Variants in RBFOX1 observed in about 807,000 individuals in gnomAD.
RBFOX1 encodes the protein RNA binding protein fox-1 homolog 1.
Under a neutral mutation model 57.7 loss-of-function variants are expected in RBFOX1, and 8 were observed. That is an observed-to-expected ratio of 0.14 (90% CI 0.08 to 0.25). The LOEUF is 0.25. Ranked by LOEUF, RBFOX1 falls within the 10% of genes least tolerant of loss-of-function variation. The probability of loss-of-function intolerance (pLI) is 1.00; values close to 1 mark genes in which losing one functional copy is unlikely to be tolerated. For missense variants in RBFOX1, 611 were observed against 548.5 expected (o/e 1.11, Z -1.14); for synonymous variants, 326 against 222.4 (o/e 1.47, Z -4.15).
chr16:6,851,439 G>T (rs1164244657), intron 3 of RBFOX1, among the ~76,000 whole-genome samples: 2 of 152,144 alleles, frequency 1.3e-5, no homozygotes, highest in Non-Finnish European at 2.9e-5. Flanking sequence ...TAAATTACAT[G>T]TGAATCTACA....
chr16:6,638,318 A>C (rs1400542495), intron 2 of RBFOX1, among the ~76,000 whole-genome samples: 1 of 152,176 alleles, frequency 6.6e-6, no homozygotes, highest in East Asian at 1.9e-4. Context: ...TGTTTTAAAG[A>C]ATAAGTTACT....
At chr16:7,587,102 T>G (rs986191104) in intron 6 of RBFOX1, 145 bp from the exon 7 acceptor site, 4 of 1,071,230 alleles carry the variant, frequency 3.7e-6, no homozygotes, top group Non-Finnish European at 4.8e-6. Flanking sequence ...TTCTCTTGTT[T>G]CAAGCACATT....
At chr16:7,675,611 A>T (rs1374236348) in intron 13 of RBFOX1, among the ~76,000 whole-genome samples, 1 of 152,224 alleles carries the variant, frequency 6.6e-6, no homozygotes, top group Non-Finnish European at 1.5e-5. Context: ...GTGTACCTAC[A>T]TCTTGAAAGA....
intron 4 of RBFOX1, among the ~76,000 whole-genome samples, chr16:7,448,927 GT>G (rs71147700): frequency 0.02 from 1,644 of 82,948 alleles, 36 homozygotes; most frequent in African/African-American, 0.071. Flanking sequence ...TCTTTCCCCT[GT>G]TTTTTTTTTT....
At chr16:5,344,112 T>G (rs965144020) in intron 1 of RBFOX1, among the ~76,000 whole-genome samples, 1 of 152,230 alleles carries the variant, frequency 6.6e-6, no homozygotes, top group Non-Finnish European at 1.5e-5. Flanking sequence ...ACATCAGTAA[T>G]GGGTTTAAAC....
chr16:5,934,322 C>G (rs1191624562), intron 4 of RBFOX1, among the ~76,000 whole-genome samples: 4 of 152,258 alleles, frequency 2.6e-5, no homozygotes, highest in Non-Finnish European at 5.9e-5. Flanking sequence ...GTACCCAGCT[C>G]ATTGTGTTTA....
At chr16:6,284,698 A>T (rs74775707) in intron 1 of RBFOX1, among the ~76,000 whole-genome samples, 1 of 152,188 alleles carries the variant, frequency 6.6e-6, no homozygotes, top group Non-Finnish European at 1.5e-5. Flanking sequence ...CAACTATTCA[A>T]TCACGGTGCA....
chr16:6,727,020 G>A (rs144026635), intron 3 of RBFOX1, among the ~76,000 whole-genome samples: 3 of 123,636 alleles, frequency 2.4e-5, no homozygotes, highest in Non-Finnish European at 5.2e-5. Flanking sequence ...TACGATGAGA[G>A]CGCCTCATGA....
At chr16:5,608,113 A>G (rs2047651731) in intron 3 of RBFOX1, among the ~76,000 whole-genome samples, 1 of 152,228 alleles carries the variant, frequency 6.6e-6, no homozygotes, top group Non-Finnish European at 1.5e-5. Context: ...TGGTTGTTCC[A>G]GTGCTCATTC....
chr16:6,414,882 C>T (rs1195144143), intron 2 of RBFOX1, among the ~76,000 whole-genome samples: 1 of 152,116 alleles, frequency 6.6e-6, no homozygotes, highest in Non-Finnish European at 1.5e-5. Flanking sequence ...AGGATATAGT[C>T]AGACATCCTG....
chr16:5,402,138 C>T (rs946022015), intron 1 of RBFOX1, among the ~76,000 whole-genome samples: 1 of 152,092 alleles, frequency 6.6e-6, no homozygotes, highest in Admixed American at 6.5e-5. Flanking sequence ...GAGGAAGGGG[C>T]AGAGACCAGG....
At chr16:7,361,376 G>T (rs1038860319) in intron 4 of RBFOX1, among the ~76,000 whole-genome samples, 1 of 152,174 alleles carries the variant, frequency 6.6e-6, no homozygotes, top group African/African-American at 2.4e-5. Context: ...TGCTCTTGGG[G>T]AAGATTAAAA....
At chr16:6,623,072 C>T (rs145454575) in intron 2 of RBFOX1, among the ~76,000 whole-genome samples, 2 of 152,172 alleles carry the variant, frequency 1.3e-5, no homozygotes, top group Non-Finnish European at 2.9e-5. Context: ...ACATATATTG[C>T]AAATTACCTG....
At chr16:6,718,195 A>C (rs765527563) in intron 3 of RBFOX1, among the ~76,000 whole-genome samples, 1 of 152,232 alleles carries the variant, frequency 6.6e-6, no homozygotes, top group Non-Finnish European at 1.5e-5. Context: ...GTAGAAACTC[A>C]CAACATGAAA....
intron 2 of RBFOX1, among the ~76,000 whole-genome samples, chr16:6,576,685 CTA>C (rs1325470212): frequency 6.6e-6 from 1 of 151,902 alleles, no homozygotes; most frequent in Non-Finnish European, 1.5e-5. Flanking sequence ...TGAGGTCAAA[CTA>C]TGTGGAAGGA....
intron 2 of RBFOX1, among the ~76,000 whole-genome samples, chr16:5,533,703 C>T (rs1447145575): frequency 6.6e-6 from 1 of 152,124 alleles, no homozygotes; most frequent in Non-Finnish European, 1.5e-5. Context: ...ATTAGTCAGC[C>T]TTGTAAAATG....
intron 4 of RBFOX1, among the ~76,000 whole-genome samples, chr16:5,972,320 A>G (rs1376985909): frequency 6.6e-6 from 1 of 152,176 alleles, no homozygotes; most frequent in Non-Finnish European, 1.5e-5. Context: ...CTACACATGG[A>G]AAAAGAATTC....
intron 3 of RBFOX1, among the ~76,000 whole-genome samples, chr16:6,697,871 G>T (rs1255540468): frequency 2.6e-5 from 4 of 152,148 alleles, no homozygotes; most frequent in African/African-American, 9.7e-5. Context: ...GACAGTAGAA[G>T]AACAATTGTA....
chr16:5,691,388 G>C (rs1007941526), intron 3 of RBFOX1, among the ~76,000 whole-genome samples: 1 of 152,102 alleles, frequency 6.6e-6, no homozygotes, highest in African/African-American at 2.4e-5. Context: ...GCAGCTGGTC[G>C]ACCATTTGTC....
Sources: allele counts gnomAD v4.1 joint callset (sites outside exome capture counted in the v4.1 genomes callset), GRCh38; gene constraint gnomAD v4.1.1; transcripts MANE v1.5; gene names NCBI Gene and HGNC (gene_info 2026-07-23, HGNC 2026-07-21).